BICD1: variants seen among roughly 807,000 people sequenced by gnomAD.
BICD1 encodes the protein protein bicaudal D homolog 1.
BICD1 carries 35 observed loss-of-function variants against 92.5 expected under a neutral mutation model. The observed-to-expected ratio is 0.38, with a 90% CI of 0.29 to 0.50. BICD1 has a LOEUF of 0.50. Among genes scored for constraint, BICD1 ranks in the 20% least tolerant of loss-of-function variants. BICD1 has a pLI of 0.93. For missense variants in BICD1, 950 were observed against 1,189.8 expected (o/e 0.80, Z 2.97); for synonymous variants, 429 against 465.1 (o/e 0.92, Z 1.00).
intron 5 of BICD1, among the ~76,000 whole-genome samples, chr12:32,331,481 A>C (rs1343157387): frequency 6.6e-6 from 1 of 152,206 alleles, no homozygotes; most frequent in Admixed American, 6.5e-5. Flanking sequence ...GAAATGTTTC[A>C]GATTTTGGAT....
chr12:32,244,672 A>G (rs1592544795), intron 2 of BICD1, among the ~76,000 whole-genome samples: 1 of 144,088 alleles, frequency 6.9e-6, no homozygotes. Context: ...CTCTGTCGCC[A>G]GGCTGGAGTG....
intron 1 of BICD1, among the ~76,000 whole-genome samples, chr12:32,112,232 C>T (rs1015224333): frequency 6.6e-6 from 1 of 152,108 alleles, no homozygotes; most frequent in East Asian, 1.9e-4. Context: ...TCTTGAACTC[C>T]CGACCTCAGG....
chr12:32,116,438 CTCTG>C (rs1171456421), intron 1 of BICD1, among the ~76,000 whole-genome samples: 90 of 148,360 alleles, frequency 6.1e-4, no homozygotes, highest in Non-Finnish European at 8.3e-4. Flanking sequence ...ATGTCTCTGT[CTCTG>C]TCTGTCTGTC....
chr12:32,327,581 A>G lies in BICD1; in HGVS notation c.1126A>G (p.Asn376Asp). The part of the protein sequence containing the change: ...ERVHRLTEHV[N>D]AMRGLQSSKE... ...GGTGCACCGGCTCACAGAGCACGTC[A>G]ATGCCATGAGGGGCCTGCAAAGCAG... Residue 376 changes from asparagine (N) to aspartate (D), a missense_variant, in exon 5 of 10, where the codon AAT becomes GAT. This residue lies in a region of BICD1 where 246 missense variants were observed against 258.4 expected (regional missense o/e 0.95). Coordinates refer to ENST00000652176, the MANE Select transcript of BICD1 (RefSeq NM_001714.4). The G allele has an allele frequency of 6.2e-7, 1 of 1,614,164 alleles. No individual in the cohort carries two copies. The highest frequency in any genetic ancestry group is 8.5e-7 in the Non-Finnish European group (1 of 1,180,026).
chr12:32,283,289 G>A (rs1332833098), intron 2 of BICD1, among the ~76,000 whole-genome samples: 1 of 151,994 alleles, frequency 6.6e-6, no homozygotes, highest in Non-Finnish European at 1.5e-5. Flanking sequence ...CAGTGATTTT[G>A]ACCAAATTTA....
intron 8 of BICD1, among the ~76,000 whole-genome samples, chr12:32,347,042 C>T (rs1938660370): frequency 6.6e-6 from 1 of 150,844 alleles, no homozygotes; most frequent in African/African-American, 2.4e-5. Flanking sequence ...ACCTCCGCCT[C>T]CCAGGTTCAA....
intron 1 of BICD1, among the ~76,000 whole-genome samples, chr12:32,165,060 C>A (rs1348424934): frequency 6.6e-6 from 1 of 152,002 alleles, no homozygotes; most frequent in South Asian, 2.1e-4. Context: ...CATGATAAAT[C>A]GGGCAAAATA....
chr12:32,147,692 C>T (rs1486543097), intron 1 of BICD1, among the ~76,000 whole-genome samples: 1 of 152,112 alleles, frequency 6.6e-6, no homozygotes, highest in East Asian at 1.9e-4. Flanking sequence ...GCAGTAAATA[C>T]ACAGTTGTGA....
intron 1 of BICD1, among the ~76,000 whole-genome samples, chr12:32,207,109 G>C (rs952086868): frequency 6.6e-6 from 1 of 152,236 alleles, no homozygotes; most frequent in Admixed American, 6.5e-5. Flanking sequence ...AAGGAGGACA[G>C]ACAGAGGCCT....
At chr12:32,163,154 T>A (rs1943647946) in intron 1 of BICD1, among the ~76,000 whole-genome samples, 1 of 152,100 alleles carries the variant, frequency 6.6e-6, no homozygotes, top group Non-Finnish European at 1.5e-5. Flanking sequence ...CTACTTGCTT[T>A]TTATTAGCTC....
Position 32,306,136 on chromosome 12 carries a change from T to G in BICD1, c.1005+14T>G, listed in dbSNP as rs41521147. ...CAGCTTATGCAGGTAAGAACTTTGT[T>G]TAGGGCCGCTAGAGTGAATTTCTTG... On this transcript the variant is annotated intron_variant, in intron 4 of 9. Transcript: ENST00000652176. 0.19 allele frequency: 293,769 copies of G among 1,555,516 alleles called. 29,692 individuals carry two copies. The highest frequency in any genetic ancestry group is 0.22 in the East Asian group (9,763 of 44,452).
chr12:32,266,981 G>A (rs1035313032), intron 2 of BICD1, among the ~76,000 whole-genome samples: 2 of 152,204 alleles, frequency 1.3e-5, no homozygotes, highest in East Asian at 3.8e-4. Flanking sequence ...TGGCTCTGAG[G>A]TTTGACTTCT....
intron 1 of BICD1, among the ~76,000 whole-genome samples, chr12:32,120,719 A>G (rs78863965): frequency 0.1 from 15,638 of 151,466 alleles, 1,070 homozygotes; most frequent in Middle Eastern, 0.21. Context: ...TGGAGATACT[A>G]TTGTCTTGCA....
At chr12:32,116,082 A>T (rs1684147) in intron 1 of BICD1, among the ~76,000 whole-genome samples, 44,027 of 152,032 alleles carry the variant, frequency 0.29, 6,612 homozygotes, top group Admixed American at 0.44. Flanking sequence ...ATGGAGGGGA[A>T]TATGAAAGTG....
At chr12:32,270,191 T>C (rs545129552) in intron 2 of BICD1, among the ~76,000 whole-genome samples, 57 of 151,610 alleles carry the variant, frequency 3.8e-4, no homozygotes, top group South Asian at 1.2e-3. Context: ...ACTAAAATAA[T>C]GATGAAGAAA....
chr12:32,338,658 A>T, intron 7 of BICD1, 128 bp from the exon 8 acceptor site: 2 of 793,198 alleles, frequency 2.5e-6, no homozygotes, highest in Non-Finnish European at 3.8e-6. Context: ...AAAAGCAAAA[A>T]GATTGATTTA....
At chr12:32,151,348 G>A (rs1159282972) in intron 1 of BICD1, among the ~76,000 whole-genome samples, 1 of 152,132 alleles carries the variant, frequency 6.6e-6, no homozygotes, top group Non-Finnish European at 1.5e-5. Context: ...GATGGCTCTG[G>A]AGCCTCTGGC....
At chr12:32,201,813 C>G (rs1944913479) in intron 1 of BICD1, among the ~76,000 whole-genome samples, 1 of 151,676 alleles carries the variant, frequency 6.6e-6, no homozygotes, top group African/African-American at 2.4e-5. Flanking sequence ...TTTGAAAAAT[C>G]TGGAGAATTT....
intron 1 of BICD1, among the ~76,000 whole-genome samples, chr12:32,175,915 G>A (rs1413544197): frequency 6.6e-6 from 1 of 152,064 alleles, no homozygotes; most frequent in South Asian, 2.1e-4. Flanking sequence ...ACAAGCAATC[G>A]TTAATTTACT....
Sources: allele counts gnomAD v4.1 joint callset (sites outside exome capture counted in the v4.1 genomes callset), GRCh38; gene constraint gnomAD v4.1.1; regional missense constraint gnomAD v4.1.1; transcripts MANE v1.5; gene names NCBI Gene and HGNC (gene_info 2026-07-23, HGNC 2026-07-21).